Variants in ESRP1 observed in about 807,000 individuals in gnomAD.
ESRP1 encodes RNA-binding motif protein 35A.
In ESRP1, 33 loss-of-function variants were observed where a neutral mutation model predicts 81.7. That is an observed-to-expected ratio of 0.40 (90% CI 0.31 to 0.54). The LOEUF (loss-of-function observed/expected upper bound fraction) is 0.54, where lower values mean the gene tolerates loss of function less well. ESRP1 is among the 20% of genes least tolerant of loss of function. ESRP1 has a pLI of 0.41. For synonymous variants in ESRP1, 320 were observed against 303.3 expected, an observed-to-expected ratio of 1.06 and a Z score of -0.57; for missense variants, 672 against 833.1, an observed-to-expected ratio of 0.81 and a Z score of 2.38.
chr8:94,641,289 C>A lies in ESRP1; in HGVS notation c.-30C>A, dbSNP rs750096965. On this transcript the variant is annotated 5_prime_UTR_variant, in exon 1 of 16. Transcript: ENST00000433389. The stretch of plus-strand genomic sequence containing the variant: ...TCCACACCACCTTACCGCCTCCCGA[C>A]CCCCCCTCTCCCCCTCCCCACCTAT... 9.8e-6 allele frequency: 15 copies of A among 1,534,232 alleles called. No individual in the cohort carries two copies. The highest frequency in any genetic ancestry group is 1.3e-5 in the Non-Finnish European group (14 of 1,113,644).
At chr8:94,674,979 C>T (rs1004572935) in intron 12 of ESRP1, among the ~76,000 whole-genome samples, 4 of 152,278 alleles carry the variant, frequency 2.6e-5, no homozygotes, top group Non-Finnish European at 4.4e-5. Context: ...ATTTCTGTTG[C>T]TCTCCAGGAT....
chr8:94,688,112 A>T (rs905166220), intron 13 of ESRP1: 51 of 152,362 alleles, frequency 3.3e-4, no homozygotes, highest in Admixed American at 3.3e-3. Context: ...TCATCCTTTT[A>T]CGTGTTGATA....
In ESRP1 at chr8:94,707,316, A is replaced by T. The variant is rs1483937257; in HGVS notation, c.*1427A>T. The T allele has an allele frequency of 6.6e-6, 1 of 152,208 alleles. No individual in the cohort carries two copies. Among genetic ancestry groups the T allele is most frequent in the Admixed American group, 6.5e-5 (1 of 15,276 alleles). The allele number at this position is 152,208 out of a possible 1,614,324, so 9.4% of individuals were successfully genotyped here. A position where few individuals can be genotyped will look rare whatever the true frequency, so the allele number is the denominator to read the frequency against. On this transcript the variant is annotated 3_prime_UTR_variant, in exon 16 of 16. Coordinates refer to ENST00000433389, the MANE Select transcript of ESRP1 (RefSeq NM_017697.4). ...TGGTGATAACTGGCACTTAAGATCG[A>T]AAAGAAATTTCTGTATACTTGATGC...
intron 4 of ESRP1, among the ~76,000 whole-genome samples, chr8:94,659,002 G>C (rs1042482113): frequency 6.6e-6 from 1 of 151,874 alleles, no homozygotes; most frequent in Admixed American, 6.6e-5. Flanking sequence ...GACCTCCCAG[G>C]CTCAAGCAAT....
At position 94,641,377 on chromosome 8, in the gene ESRP1, G is replaced by A. The variant is rs866125300; in HGVS notation, c.59G>A (p.Gly20Glu). The A allele has an allele frequency of 1.2e-6, 2 of 1,613,938 alleles. No homozygotes were observed. Among genetic ancestry groups the A allele is most frequent in the Middle Eastern group, 1.6e-4 (1 of 6,062 alleles). The change falls in exon 1 of 16, where the codon GGG becomes GAG. Residue 20 changes from glycine (G) to glutamate (E), a missense_variant. Coordinates refer to ENST00000433389, the MANE Select transcript of ESRP1 (RefSeq NM_017697.4). ...VLFGITAGAT[G>E]AKLGSDEKEL... ...TTTGGGATCACTGCTGGGGCCACCGGGGCCAAGCTAGGCTCGGATGAGAAG... is the reference window on the plus strand; with the variant it reads ...TTTGGGATCACTGCTGGGGCCACCGAGGCCAAGCTAGGCTCGGATGAGAAG...
At chr8:94,701,827 A>G (rs1418782487) in intron 15 of ESRP1, among the ~76,000 whole-genome samples, 1 of 152,166 alleles carries the variant, frequency 6.6e-6, no homozygotes, top group Admixed American at 6.6e-5. Context: ...TTTGGCTTGT[A>G]CATGGTAGCT....
chr8:94,656,284 TC>T (rs1818415277), intron 4 of ESRP1: 1 of 151,850 alleles, frequency 6.6e-6, no homozygotes, highest in Admixed American at 6.6e-5. Context: ...AGTGGCGCGA[TC>T]CCGGCTCACT....
chr8:94,641,630 A>G, intron 1 of ESRP1, 180 bp downstream of exon 1: 1 of 869,258 alleles, frequency 1.2e-6, no homozygotes, highest in Non-Finnish European at 1.7e-6. Flanking sequence ...ACTGCCTTGG[A>G]GCCATTTCAG....
intron 6 of ESRP1, 124 bp downstream of exon 6, chr8:94,662,679 C>G: frequency 1.3e-6 from 1 of 757,056 alleles, no homozygotes; most frequent in Non-Finnish European, 2.1e-6. Flanking sequence ...ACGATCTCAG[C>G]TCACTGCAAG....
chr8:94,649,793 G>A (rs561348344), intron 4 of ESRP1, among the ~76,000 whole-genome samples: 8 of 152,250 alleles, frequency 5.3e-5, no homozygotes, highest in East Asian at 1.9e-4. Context: ...GATTACAGGC[G>A]TGAGCCACTG....
intron 15 of ESRP1, among the ~76,000 whole-genome samples, chr8:94,700,953 ATGTG>A (rs371493650): frequency 0.11 from 15,531 of 137,160 alleles, 1,051 homozygotes; most frequent in African/African-American, 0.21. Flanking sequence ...GTGTGTGTGT[ATGTG>A]TGTGTGTGTG....
intron 14 of ESRP1, among the ~76,000 whole-genome samples, chr8:94,695,647 G>A (rs1278441669): frequency 4.1e-5 from 6 of 146,980 alleles, no homozygotes; most frequent in Admixed American, 2.7e-4. Flanking sequence ...ACAGGCATGA[G>A]CCACCGCAGC....
chr8:94,659,566 C>A (rs1818614009), intron 4 of ESRP1, among the ~76,000 whole-genome samples: 1 of 152,182 alleles, frequency 6.6e-6, no homozygotes, highest in Non-Finnish European at 1.5e-5. Flanking sequence ...AGTTTCATAT[C>A]TCTCACTTTA....
intron 12 of ESRP1, among the ~76,000 whole-genome samples, chr8:94,677,131 A>G (rs1348408678): frequency 2.6e-5 from 4 of 152,182 alleles, no homozygotes; most frequent in Admixed American, 2.0e-4. Flanking sequence ...TATGAGATCA[A>G]TATGTTAGTC....
At chr8:94,684,965 C>T (rs79419404) in intron 13 of ESRP1, among the ~76,000 whole-genome samples, 1,986 of 151,396 alleles carry the variant, frequency 0.013, 19 homozygotes, top group Admixed American at 0.022. Flanking sequence ...GAGATTGAAG[C>T]TGCAATGAGC....
chr8:94,683,364 TGA>T (rs370927555), intron 13 of ESRP1, among the ~76,000 whole-genome samples: 2 of 152,194 alleles, frequency 1.3e-5, no homozygotes, highest in Non-Finnish European at 2.9e-5. Context: ...ACCAAGCCTC[TGA>T]GAGAGGCTTA....
At position 94,659,805 on chromosome 8, in the gene ESRP1, T is replaced by G. The variant is rs6471454; in HGVS notation, c.491-2467T>G. Among the ~76,000 whole-genome samples, 28 of 152,274 alleles carry G rather than the reference T, an allele frequency of 1.8e-4. No individual in the cohort carries two copies. The East Asian group carries it at 5.2e-3, about 28-fold the overall frequency. On this transcript the variant is annotated intron_variant, in intron 4 of 15. Coordinates refer to ENST00000433389, the MANE Select transcript of ESRP1 (RefSeq NM_017697.4). The stretch of plus-strand genomic sequence containing the variant: ...TTGTCATTTATAGAAGAGAGGAAAG[T>G]GTAATTTGAATGGAATATACTTATT...
chr8:94,685,041 A>G (rs1351495515), intron 13 of ESRP1, among the ~76,000 whole-genome samples: 2 of 151,474 alleles, frequency 1.3e-5, no homozygotes, highest in Non-Finnish European at 2.9e-5. Context: ...AAAAAGCCAT[A>G]TATATCTATA....
intron 13 of ESRP1, among the ~76,000 whole-genome samples, chr8:94,686,800 A>T (rs146327881): frequency 1.3e-3 from 192 of 152,366 alleles, no homozygotes; most frequent in Non-Finnish European, 2.3e-3. Context: ...GACATTATTG[A>T]ACATAACTTC....
Sources: gnomAD v4.1 joint callset for allele counts (sites outside exome capture counted in the v4.1 genomes callset) on GRCh38, gnomAD v4.1.1 for gene constraint, MANE v1.5 for transcripts, NCBI Gene and HGNC (gene_info 2026-07-23, HGNC 2026-07-21) for gene names.